The following PHACTR1 variants were observed in gnomAD, a reference collection of about 807,000 sequenced individuals.
PHACTR1 encodes the protein phosphatase and actin regulator 1.
In PHACTR1, 16 loss-of-function variants were observed where a neutral mutation model predicts 69.2. The ratio of observed to expected loss-of-function variants is 0.23; its 90% CI spans 0.16 to 0.35. PHACTR1 has a LOEUF of 0.35. Among genes scored for constraint, PHACTR1 ranks in the 10% least tolerant of loss-of-function variants. The probability of loss-of-function intolerance (pLI) is 1.00; values close to 1 mark genes in which losing one functional copy is unlikely to be tolerated. For synonymous variants in PHACTR1, 312 were observed against 284.5 expected, an observed-to-expected ratio of 1.10 and a Z score of -0.97; for missense variants, 510 against 734.7, an observed-to-expected ratio of 0.69 and a Z score of 3.54.
intron 4 of PHACTR1, among the ~76,000 whole-genome samples, chr6:12,884,665 G>T (rs1482929193): frequency 6.6e-6 from 1 of 152,100 alleles, no homozygotes; most frequent in Non-Finnish European, 1.5e-5. Context: ...CCTCCCAAAG[G>T]GGTGGGGTTA....
At chr6:12,817,217 G>T (rs1775689810) in intron 4 of PHACTR1, among the ~76,000 whole-genome samples, 1 of 152,122 alleles carries the variant, frequency 6.6e-6, no homozygotes, top group East Asian at 1.9e-4. Context: ...TTTTTTCAAA[G>T]GGGACTTTAA....
intron 5 of PHACTR1, among the ~76,000 whole-genome samples, chr6:13,070,851 AG>A (rs1368973563): frequency 6.6e-6 from 1 of 152,116 alleles, no homozygotes; most frequent in Admixed American, 6.6e-5. Flanking sequence ...AAAAAAAACA[AG>A]GTTTTTGTTG....
At chr6:13,087,023 T>A (rs1812429286) in intron 5 of PHACTR1, among the ~76,000 whole-genome samples, 1 of 151,838 alleles carries the variant, frequency 6.6e-6, no homozygotes, top group South Asian at 2.1e-4. Flanking sequence ...GAGCATCTTT[T>A]CATGTTCTTA....
rs1178639367 is a variant in PHACTR1 at position 13,160,291 on chromosome 6, A to G, written c.496+7A>G. On this transcript the variant is annotated splice_region_variant and intron_variant, in intron 6 of 14. Coordinates refer to ENST00000332995, the MANE Select transcript of PHACTR1 (RefSeq NM_030948.6). ...AAGGAAATCTATGATAAAGGTAAGG[A>G]GGATTGGTCTGTCATCCCCGGGTCA... 1.2e-6 allele frequency: 2 copies of G among 1,611,764 alleles called. No individual in the cohort carries two copies. Among genetic ancestry groups the G allele is most frequent in the Non-Finnish European group, 1.7e-6 (2 of 1,178,084 alleles).
At chr6:12,782,097 G>A (rs1022998349) in intron 4 of PHACTR1, among the ~76,000 whole-genome samples, 1 of 152,102 alleles carries the variant, frequency 6.6e-6, no homozygotes, top group Non-Finnish European at 1.5e-5. Flanking sequence ...AAGCTTCTTG[G>A]TCTGGCTCAA....
At chr6:12,799,155 T>C (rs1363629357) in intron 4 of PHACTR1, among the ~76,000 whole-genome samples, 2 of 152,232 alleles carry the variant, frequency 1.3e-5, no homozygotes, top group East Asian at 3.9e-4. Flanking sequence ...GACCTTTCTG[T>C]GGAGCGTGTT....
At chr6:13,169,213 C>T (rs887415443) in intron 6 of PHACTR1, among the ~76,000 whole-genome samples, 2 of 152,110 alleles carry the variant, frequency 1.3e-5, no homozygotes, top group African/African-American at 4.8e-5. Context: ...GCGTGGGCGA[C>T]TGGGTAGACC....
At chr6:13,252,099 G>A (rs550448796) in intron 10 of PHACTR1, among the ~76,000 whole-genome samples, 5 of 150,292 alleles carry the variant, frequency 3.3e-5, no homozygotes, top group South Asian at 4.2e-4. Context: ...CAGGAGGCAC[G>A]GTGACTTATG....
chr6:12,932,985 G>C (rs577405786), intron 4 of PHACTR1, among the ~76,000 whole-genome samples: 1 of 148,570 alleles, frequency 6.7e-6, no homozygotes, highest in East Asian at 2.0e-4. Flanking sequence ...ATGTAAGTTG[G>C]AGTGCAGTGG....
intron 5 of PHACTR1, among the ~76,000 whole-genome samples, chr6:13,147,887 A>G (rs1401945663): frequency 6.6e-6 from 1 of 152,232 alleles, no homozygotes; most frequent in Non-Finnish European, 1.5e-5. Context: ...CCGTGTAACC[A>G]CTGCCCAAGT....
chr6:12,933,911 G>A (rs765428413), intron 4 of PHACTR1: 3 of 1,610,748 alleles, frequency 1.9e-6, no homozygotes, highest in Non-Finnish European at 2.5e-6. Flanking sequence ...TTACTCTTTG[G>A]TCCATATGGG....
At chr6:12,848,872 A>G (rs1050564001) in intron 4 of PHACTR1, among the ~76,000 whole-genome samples, 2 of 152,146 alleles carry the variant, frequency 1.3e-5, no homozygotes, top group Non-Finnish European at 1.5e-5. Flanking sequence ...AATGGCTGAC[A>G]GTCAAAGGAC....
intron 4 of PHACTR1, among the ~76,000 whole-genome samples, chr6:12,977,475 T>C (rs1021092464): frequency 1.3e-5 from 2 of 152,028 alleles, no homozygotes; most frequent in Admixed American, 6.5e-5. Flanking sequence ...AGCTTATCAC[T>C]ATATGTAATA....
rs563799133 is a variant in PHACTR1 at position 12,891,119 on chromosome 6, A to T, written c.250+141329A>T. Among the ~76,000 whole-genome samples, 328 of 152,060 alleles carry T rather than the reference A, an allele frequency of 2.2e-3. 9 individuals carry two copies. In the South Asian group the frequency reaches 0.062, roughly 29 times the overall value. Reference sequence around the variant, plus strand: ...TACTTGCATTTCAAATGAAAGTTAAATTTTTTTTCTCATTCATCATGTTTG... The same window carrying T: ...TACTTGCATTTCAAATGAAAGTTAATTTTTTTTTCTCATTCATCATGTTTG... On this transcript the variant is annotated intron_variant, in intron 4 of 14. Coordinates refer to ENST00000332995, the MANE Select transcript of PHACTR1 (RefSeq NM_030948.6).
chr6:12,847,363 A>T (rs2065491), intron 4 of PHACTR1, among the ~76,000 whole-genome samples: 28,791 of 152,142 alleles, frequency 0.19, 2,939 homozygotes, highest in African/African-American at 0.26. Flanking sequence ...CAGCAATCTC[A>T]TCTATGACAA....
intron 10 of PHACTR1, among the ~76,000 whole-genome samples, chr6:13,238,868 GAC>G (rs1281992590): frequency 1.3e-5 from 2 of 152,156 alleles, no homozygotes; most frequent in Admixed American, 1.3e-4. Context: ...ATTCAACTTG[GAC>G]TTACTTAGTG....
intron 4 of PHACTR1, among the ~76,000 whole-genome samples, chr6:12,948,349 G>A (rs1562042643): frequency 6.6e-6 from 1 of 152,184 alleles, no homozygotes; most frequent in Non-Finnish European, 1.5e-5. Context: ...GGAAGGAAAG[G>A]TGATTAAATA....
At chr6:13,282,290 A>G (rs746177577) in intron 12 of PHACTR1, among the ~76,000 whole-genome samples, 4 of 152,228 alleles carry the variant, frequency 2.6e-5, no homozygotes, top group Non-Finnish European at 5.9e-5. Flanking sequence ...TCTTAAAGAG[A>G]GCAACTGTGT....
intron 4 of PHACTR1, among the ~76,000 whole-genome samples, chr6:12,842,037 G>A (rs903633960): frequency 4.6e-5 from 7 of 152,056 alleles, no homozygotes; most frequent in African/African-American, 1.7e-4. Flanking sequence ...GTAATAAGGA[G>A]ATTCATTCTA....
Sources: allele counts gnomAD v4.1 joint callset (sites outside exome capture counted in the v4.1 genomes callset), GRCh38; gene constraint gnomAD v4.1.1; transcripts MANE v1.5; gene names NCBI Gene and HGNC (gene_info 2026-07-23, HGNC 2026-07-21).